The following DIP2C variants were observed in gnomAD, a reference collection of about 807,000 sequenced individuals.
DIP2C encodes the protein DIP2 acetate--CoA ligase C (putative).
In DIP2C, 33 loss-of-function variants were observed where a neutral mutation model predicts 192.4. That is an observed-to-expected ratio of 0.17 (90% CI 0.13 to 0.23). The LOEUF is 0.23. Ranked by LOEUF, DIP2C falls within the 10% of genes least tolerant of loss-of-function variation. The probability of loss-of-function intolerance (pLI) is 1.00; values close to 1 mark genes in which losing one functional copy is unlikely to be tolerated. For synonymous variants in DIP2C, 979 were observed against 864.1 expected (o/e 1.13, Z -2.33); for missense variants, 1,537 against 2,110.1 (o/e 0.73, Z 5.32).
chr10:518,025 G>T (rs906515289), intron 1 of DIP2C, among the ~76,000 whole-genome samples: 2 of 152,238 alleles, frequency 1.3e-5, no homozygotes, highest in Non-Finnish European at 2.9e-5. Context: ...AGTTTGGTGG[G>T]GTGGGCGTGG....
At chr10:552,615 C>G (rs958603629) in intron 1 of DIP2C, among the ~76,000 whole-genome samples, 2 of 152,200 alleles carry the variant, frequency 1.3e-5, no homozygotes, top group Non-Finnish European at 2.9e-5. Context: ...CTTTGGGAGG[C>G]CGAGGCGGGC....
At chr10:424,517 C>CACT (rs2133178091) in intron 4 of DIP2C, among the ~76,000 whole-genome samples, 1 of 152,066 alleles carries the variant, frequency 6.6e-6, no homozygotes, top group African/African-American at 2.4e-5. Context: ...AGGCACCTAC[C>CACT]ACTATGACCG....
intron 1 of DIP2C, among the ~76,000 whole-genome samples, chr10:509,861 G>A (rs911892560): frequency 2.6e-5 from 4 of 152,166 alleles, no homozygotes; most frequent in Non-Finnish European, 4.4e-5. Context: ...CCCAACCCAC[G>A]CTTCAGATGG....
chr10:376,314 G>T (rs374645890), intron 17 of DIP2C, among the ~76,000 whole-genome samples: 1 of 152,058 alleles, frequency 6.6e-6, no homozygotes. Flanking sequence ...AGCCGGCAGG[G>T]AGAAGGACCC....
At chr10:424,695 T>C (rs936391564) in intron 4 of DIP2C, among the ~76,000 whole-genome samples, 11 of 152,146 alleles carry the variant, frequency 7.2e-5, no homozygotes, top group Non-Finnish European at 1.6e-4. Context: ...TTACACAATT[T>C]CTATAAAAGT....
In DIP2C at chr10:387,738, CACTT is replaced by C. The variant is rs1963096859; in HGVS notation, c.1662+3_1662+6del. The stretch of plus-strand genomic sequence containing the variant: ...TGGACAGACACGGCCGGGGGGACCT[CACTT>C]ACTGTCAGGATGCCATGCCAGAGCC... On this transcript the variant is annotated splice_donor_5th_base_variant and intron_variant, in intron 14 of 36. Coordinates refer to ENST00000280886, the MANE Select transcript of DIP2C (RefSeq NM_014974.3). 3 of 1,614,098 alleles carry C rather than the reference CACTT, an allele frequency of 1.9e-6. No individual in the cohort carries two copies. The highest frequency in any genetic ancestry group is 2.5e-6 in the Non-Finnish European group (3 of 1,179,998).
At position 648,741 on chromosome 10, in the gene DIP2C, G is replaced by T. The variant is rs528839576; in HGVS notation, c.85+40753C>A. Among the ~76,000 whole-genome samples, 477 of 100,450 alleles carry T rather than the reference G, an allele frequency of 4.7e-3. 8 individuals are homozygous for T. In the Middle Eastern group the frequency reaches 0.091, roughly 19 times the overall value. 65.9% of individuals were successfully genotyped at this position (100,450 alleles called of 152,430 possible). A position where few individuals can be genotyped will look rare whatever the true frequency, so the allele number is the denominator to read the frequency against. ...GAGCGAAACTGAGTCCACGTCCACA[G>T]TGGACAGTGGGCGAGAACAGAGGGA... is the stretch of plus-strand genomic sequence containing the variant. On this transcript the variant is annotated intron_variant, in intron 1 of 36. Coordinates refer to ENST00000280886, the MANE Select transcript of DIP2C (RefSeq NM_014974.3).
At chr10:495,936 C>T (rs1433490155) in intron 1 of DIP2C, among the ~76,000 whole-genome samples, 1 of 147,652 alleles carries the variant, frequency 6.8e-6, no homozygotes, top group Non-Finnish European at 1.5e-5. Flanking sequence ...TACACAGAAC[C>T]CACGGTGCCT....
At position 493,638 on chromosome 10, in the gene DIP2C, C is replaced by G. The variant is rs566807068; in HGVS notation, c.86-7108G>C. On this transcript the variant is annotated intron_variant, in intron 1 of 36. Transcript: ENST00000280886. ...CTCTCACGCTCCACCCTCCGCTTCC[C>G]GACAGACAGAGGGAGAGACCCCCTC... Among the ~76,000 whole-genome samples, 327 of 152,274 alleles carry G rather than the reference C, an allele frequency of 2.1e-3. 1 individual carries two copies. The highest frequency in any genetic ancestry group is 7.5e-3 in the African/African-American group (310 of 41,552).
intron 1 of DIP2C, among the ~76,000 whole-genome samples, chr10:670,018 G>A (rs778810678): frequency 1.3e-5 from 2 of 152,184 alleles, no homozygotes; most frequent in African/African-American, 4.8e-5. Context: ...ACGGAAAGTT[G>A]TCACTGCCTA....
At chr10:685,185 TACATATATATATATATATATATAA>T (rs1831285977) in intron 1 of DIP2C, among the ~76,000 whole-genome samples, 1 of 20,152 alleles carries the variant, frequency 5.0e-5, no homozygotes, top group African/African-American at 1.4e-4. Flanking sequence ...TATATATATA[TACATATATATATATATATATATAA>T]ACACACGCAC....
At chr10:426,679 A>T (rs1297397860) in intron 4 of DIP2C, among the ~76,000 whole-genome samples, 3 of 152,238 alleles carry the variant, frequency 2.0e-5, no homozygotes, top group African/African-American at 4.8e-5. Context: ...ACAGAATTAA[A>T]CCCAGAAATA....
At chr10:687,648 C>A (rs1031385307) in intron 1 of DIP2C, among the ~76,000 whole-genome samples, 3 of 152,200 alleles carry the variant, frequency 2.0e-5, no homozygotes, top group Non-Finnish European at 4.4e-5. Context: ...ACAGGGAATT[C>A]GGCTGAGCAC....
At chr10:678,431 C>T (rs1365952806) in intron 1 of DIP2C, among the ~76,000 whole-genome samples, 2 of 152,074 alleles carry the variant, frequency 1.3e-5, no homozygotes, top group African/African-American at 4.8e-5. Context: ...AGTACGTGTT[C>T]GGCAGCATCT....
At chr10:607,315 A>G (rs1043793264) in intron 1 of DIP2C, among the ~76,000 whole-genome samples, 1 of 151,294 alleles carries the variant, frequency 6.6e-6, no homozygotes, top group East Asian at 1.9e-4. Context: ...CCTCGAGAGC[A>G]GCTGATAACC....
chr10:514,205 C>CT (rs1846210145), intron 1 of DIP2C, among the ~76,000 whole-genome samples: 1 of 138,724 alleles, frequency 7.2e-6, no homozygotes, highest in Non-Finnish European at 1.5e-5. Flanking sequence ...AACCACCCCC[C>CT]TTCCTTGGGC....
chr10:680,501 C>T (rs1041361350), intron 1 of DIP2C, among the ~76,000 whole-genome samples: 1 of 151,840 alleles, frequency 6.6e-6, no homozygotes, highest in African/African-American at 2.4e-5. Flanking sequence ...GCACAACAAA[C>T]AACCTGCTTA....
intron 1 of DIP2C, among the ~76,000 whole-genome samples, chr10:540,441 C>G (rs146005250): frequency 1.1e-4 from 17 of 152,328 alleles, no homozygotes; most frequent in African/African-American, 3.4e-4. Flanking sequence ...CACTGGGAAC[C>G]AGAGAGCAAA....
Position 472,475 on chromosome 10 carries a change from G to A in DIP2C, c.232C>T (p.Arg78Trp), listed in dbSNP as rs373914983. The A allele has an allele frequency of 2.9e-5, 47 of 1,614,048 alleles. No homozygotes were observed. The highest frequency in any genetic ancestry group is 3.7e-5 in the Non-Finnish European group (44 of 1,180,046). The change falls in exon 3 of 37, where the codon CGG (arginine) becomes TGG (tryptophan). Residue 78 changes from arginine (R) to tryptophan (W), a missense_variant. Arg to Trp is a moderately radical substitution (Grantham distance 101). Coordinates refer to ENST00000280886, the MANE Select transcript of DIP2C (RefSeq NM_014974.3). ...PSSASRYHRR[R>W]SSGSRDERYR... ...CGCTCATCTCGTGACCCTGAAGACC[G>A]TCGGCGGTGGTAGCGAGAGGCGGAG...
Sources: allele counts gnomAD v4.1 joint callset (sites outside exome capture counted in the v4.1 genomes callset), GRCh38; gene constraint gnomAD v4.1.1; transcripts MANE v1.5; gene names NCBI Gene and HGNC (gene_info 2026-07-23, HGNC 2026-07-21).